SYNPR: variants seen among roughly 807,000 people sequenced by gnomAD.
SYNPR encodes the protein synaptoporin.
In SYNPR, 23 loss-of-function variants were observed where a neutral mutation model predicts 32.9. The observed-to-expected ratio is 0.70, with a 90% CI of 0.50 to 0.99. The LOEUF (loss-of-function observed/expected upper bound fraction) is 0.99, where lower values mean the gene tolerates loss of function less well. Ranked by LOEUF, SYNPR falls within the 50% of genes least tolerant of loss-of-function variation. The probability of loss-of-function intolerance (pLI) is 0.00; values close to 1 mark genes in which losing one functional copy is unlikely to be tolerated. For synonymous variants in SYNPR, 146 were observed against 135.9 expected (o/e 1.07, Z -0.52); for missense variants, 318 against 349.3 (o/e 0.91, Z 0.71).
At chr3:63,339,592 G>T (rs1423723718) in intron 2 of SYNPR, among the ~76,000 whole-genome samples, 1 of 151,778 alleles carries the variant, frequency 6.6e-6, no homozygotes, top group Admixed American at 6.6e-5. Flanking sequence ...GTACTCTAAT[G>T]AATGTATAGG....
Position 63,451,145 on chromosome 3 carries a change from T to C in SYNPR, c.85-29687T>C, listed in dbSNP as rs143417180. Among the ~76,000 whole-genome samples the C allele has an allele frequency of 9.1e-4, 139 of 152,314 alleles. 1 individual carries two copies. In the East Asian group the frequency reaches 0.024, roughly 26 times the overall value. ...AATAATGAGTAACTTCCCAGAGTTA[T>C]GAAGAAGATTGCTGTCATAGATGAA... On this transcript the variant is annotated intron_variant, in intron 2 of 5. Transcript: ENST00000478300.
rs545019506 is a variant in SYNPR, at chr3:63,265,312, C to G, written n.155-2005C>G. Reference sequence around the variant, plus strand: ...TGTGGCCCAGGATGGAGTGCAGTGGCACAATCTTGGCTCAATGCAAACTCC... The same window carrying G: ...TGTGGCCCAGGATGGAGTGCAGTGGGACAATCTTGGCTCAATGCAAACTCC... On this transcript the variant is annotated intron_variant and non_coding_transcript_variant, in intron 2 of 4. Transcript: ENST00000478456. Among the ~76,000 whole-genome samples the G allele has an allele frequency of 2.9e-3, 403 of 137,814 alleles. 4 individuals carry two copies. The highest frequency in any genetic ancestry group is 0.011 in the African/African-American group (388 of 36,490). 90.4% of individuals were successfully genotyped at this position (137,814 alleles called of 152,430 possible).
intron 2 of SYNPR, among the ~76,000 whole-genome samples, chr3:63,367,896 A>T (rs776359123): frequency 2.0e-5 from 3 of 152,224 alleles, no homozygotes; most frequent in Admixed American, 6.5e-5. Flanking sequence ...AGTGACAGTG[A>T]TAATACTAGT....
chr3:63,587,804 G>A (rs1403698262), intron 4 of SYNPR, among the ~76,000 whole-genome samples: 1 of 152,028 alleles, frequency 6.6e-6, no homozygotes, highest in African/African-American at 2.4e-5. Flanking sequence ...CCTATTCACA[G>A]GTGCAATCAT....
intron 2 of SYNPR, among the ~76,000 whole-genome samples, chr3:63,395,870 CT>C (rs1470158218): frequency 3.3e-5 from 5 of 151,470 alleles, no homozygotes; most frequent in African/African-American, 4.8e-5. Context: ...TACATTTTTC[CT>C]TTTTTGAGGG....
chr3:63,367,342 A>ATTATTTGT (rs1553873546), intron 2 of SYNPR, among the ~76,000 whole-genome samples: 6 of 143,686 alleles, frequency 4.2e-5, no homozygotes, highest in African/African-American at 1.6e-4. Flanking sequence ...TCACTGTTGA[A>ATTATTTGT]TTATTTATTT....
At chr3:63,562,844 C>A (rs1373499168) in intron 4 of SYNPR, among the ~76,000 whole-genome samples, 1 of 152,124 alleles carries the variant, frequency 6.6e-6, no homozygotes, top group Non-Finnish European at 1.5e-5. Flanking sequence ...GGATTTTAAT[C>A]TTCTTGTGTG....
intron 3 of SYNPR, among the ~76,000 whole-genome samples, chr3:63,516,877 C>T (rs931230804): frequency 1.3e-5 from 2 of 152,020 alleles, no homozygotes; most frequent in African/African-American, 4.8e-5. Flanking sequence ...CATTAGAATC[C>T]TTGATGTATT....
At chr3:63,450,814 CTGTT>C (rs1402927779) in intron 2 of SYNPR, among the ~76,000 whole-genome samples, 1 of 152,186 alleles carries the variant, frequency 6.6e-6, no homozygotes, top group African/African-American at 2.4e-5. Flanking sequence ...GGGGCTCACA[CTGTT>C]TGTGGGCCCA....
At chr3:63,293,954 G>A (rs1376997658) in intron 2 of SYNPR, among the ~76,000 whole-genome samples, 1 of 152,120 alleles carries the variant, frequency 6.6e-6, no homozygotes, top group African/African-American at 2.4e-5. Context: ...AATCTTCGGA[G>A]TACCCAATTT....
At chr3:63,525,581 GAGACAATCTGGGAGGA>G (rs1442226926) in intron 3 of SYNPR, among the ~76,000 whole-genome samples, 1 of 152,186 alleles carries the variant, frequency 6.6e-6, no homozygotes, top group Admixed American at 6.5e-5. Flanking sequence ...ATCCAAAGCA[GAGACAATCTGGGAGGA>G]AGAAACAATA....
chr3:63,281,508 G>A (rs1247055562), intron 2 of SYNPR, among the ~76,000 whole-genome samples: 2 of 152,142 alleles, frequency 1.3e-5, no homozygotes, highest in African/African-American at 4.8e-5. Flanking sequence ...AGATCAAGGT[G>A]CCATCAGATT....
At chr3:63,439,722 T>C (rs1700137064) in intron 2 of SYNPR, among the ~76,000 whole-genome samples, 1 of 152,218 alleles carries the variant, frequency 6.6e-6, no homozygotes, top group Non-Finnish European at 1.5e-5. Context: ...AGAATGTTCT[T>C]TGAATGAAGA....
intron 2 of SYNPR, among the ~76,000 whole-genome samples, chr3:63,258,317 G>A (rs577072675): frequency 6.6e-6 from 1 of 152,280 alleles, no homozygotes; most frequent in South Asian, 2.1e-4. Context: ...CCACATAGTT[G>A]GAAGTAAAGC....
chr3:63,248,857 G>C (rs750899517), intron 1 of SYNPR, among the ~76,000 whole-genome samples: 14 of 152,114 alleles, frequency 9.2e-5, no homozygotes, highest in Non-Finnish European at 1.8e-4. Context: ...ATCCCATTTT[G>C]ATGAGAATTA....
intron 3 of SYNPR, among the ~76,000 whole-genome samples, chr3:63,528,996 T>C (rs1275449039): frequency 6.6e-6 from 1 of 152,370 alleles, no homozygotes; most frequent in East Asian, 1.9e-4. Context: ...AAAGAACTCA[T>C]GAATCTCCTG....
chr3:63,436,830 G>A (rs1164692598), intron 2 of SYNPR, among the ~76,000 whole-genome samples: 2 of 152,124 alleles, frequency 1.3e-5, no homozygotes, highest in African/African-American at 2.4e-5. Flanking sequence ...TTCCAGCGGG[G>A]GAAGACTGTT....
At chr3:63,523,306 A>G (rs1701947533) in intron 3 of SYNPR, among the ~76,000 whole-genome samples, 1 of 151,790 alleles carries the variant, frequency 6.6e-6, no homozygotes, top group Admixed American at 6.6e-5. Context: ...GTGTGGGAGG[A>G]GTTTACGTCT....
intron 2 of SYNPR, among the ~76,000 whole-genome samples, chr3:63,301,468 T>C (rs2086856892): frequency 2.0e-5 from 3 of 152,048 alleles, no homozygotes; most frequent in Admixed American, 2.0e-4. Flanking sequence ...GTAAGTTGGA[T>C]TGGTATGGAA....
Sources: allele counts gnomAD v4.1 joint callset (sites outside exome capture counted in the v4.1 genomes callset), GRCh38; gene constraint gnomAD v4.1.1; transcripts MANE v1.5; gene names NCBI Gene and HGNC (gene_info 2026-07-23, HGNC 2026-07-21).